The following GRM7 variants were observed in gnomAD, a reference collection of about 807,000 sequenced individuals.
GRM7 encodes the protein metabotropic glutamate receptor 7.
A neutral mutation model predicts 84.5 loss-of-function variants in GRM7; 35 were observed. The observed-to-expected ratio is 0.41, with a 90% CI of 0.32 to 0.55. The LOEUF (loss-of-function observed/expected upper bound fraction) is 0.55, where lower values mean the gene tolerates loss of function less well. GRM7 is among the 20% of genes least tolerant of loss of function. GRM7 has a pLI of 0.19. For synonymous variants in GRM7, 487 were observed against 455.1 expected (o/e 1.07, Z -0.89); for missense variants, 1,003 against 1,194.6 (o/e 0.84, Z 2.36).
At position 7,435,614 on chromosome 3, in the gene GRM7, G is replaced by A. The variant is rs1277240950; in HGVS notation, c.1175-16993G>A. Among the ~76,000 whole-genome samples the A allele has an allele frequency of 1.5e-4, 22 of 150,156 alleles. No individual in the cohort carries two copies. The South Asian group carries it at 4.5e-3, about 30-fold the overall frequency. ...TGCAACCTCAGCCTCCCGGCTCCAA[G>A]AAATTCTCCTGCCTCAGCCTACCGA... On this transcript the variant is annotated intron_variant, in intron 5 of 9. Coordinates refer to ENST00000357716, the MANE Select transcript of GRM7 (RefSeq NM_000844.4).
chr3:7,060,182 A>G (rs1559412684), intron 1 of GRM7, among the ~76,000 whole-genome samples: 1 of 151,934 alleles, frequency 6.6e-6, no homozygotes, highest in South Asian at 2.1e-4. Context: ...CCCTTGAGTT[A>G]ATTTTTCAAG....
chr3:7,472,938 A>G (rs796074566), intron 7 of GRM7, among the ~76,000 whole-genome samples: 5 of 152,288 alleles, frequency 3.3e-5, no homozygotes, highest in African/African-American at 9.6e-5. Flanking sequence ...ATACGTGCAG[A>G]CCGTTTCCTC....
At chr3:7,340,817 T>C (rs1245919772) in intron 4 of GRM7, among the ~76,000 whole-genome samples, 1 of 152,154 alleles carries the variant, frequency 6.6e-6, no homozygotes, top group Non-Finnish European at 1.5e-5. Context: ...GTGAAATCAA[T>C]GTTCTGTCAC....
chr3:7,649,820 A>G (rs959277829), intron 8 of GRM7, among the ~76,000 whole-genome samples: 1 of 87,094 alleles, frequency 1.1e-5, no homozygotes, highest in African/African-American at 5.2e-5. Context: ...TGCTGGCAAA[A>G]GAAAAAAAAA....
chr3:6,872,503 G>A (rs756204660), intron 1 of GRM7, among the ~76,000 whole-genome samples: 1 of 152,080 alleles, frequency 6.6e-6, no homozygotes, highest in Non-Finnish European at 1.5e-5. Context: ...TGGGATACAT[G>A]TACAGACGTG....
chr3:6,997,149 CT>C (rs1345490277), intron 1 of GRM7, among the ~76,000 whole-genome samples: 2 of 151,728 alleles, frequency 1.3e-5, no homozygotes, highest in African/African-American at 4.8e-5. Flanking sequence ...CCTCTTATTT[CT>C]TTTCTTTTTT....
chr3:7,319,395 C>A lies in GRM7; in HGVS notation c.1033+12743C>A, dbSNP rs149709815. ...GTGTTAACATGTTTGTTAGGACAAG[C>A]TGGAGAAAATGAAAGACTTGTGATG... On this transcript the variant is annotated intron_variant, in intron 4 of 9. Coordinates refer to ENST00000357716, the MANE Select transcript of GRM7 (RefSeq NM_000844.4). Among the ~76,000 whole-genome samples, 442 of 152,156 alleles carry A rather than the reference C, an allele frequency of 2.9e-3. 3 individuals carry two copies. Among genetic ancestry groups the A allele is most frequent in the African/African-American group, 0.01 (416 of 41,562 alleles).
chr3:7,710,586 T>G (rs1053254775), intron 9 of GRM7, among the ~76,000 whole-genome samples: 2 of 152,156 alleles, frequency 1.3e-5, no homozygotes, highest in Non-Finnish European at 2.9e-5. Context: ...AAATACAGCC[T>G]GATTGTCTGT....
At chr3:7,159,285 A>T (rs188256759) in intron 2 of GRM7, among the ~76,000 whole-genome samples, 1 of 152,330 alleles carries the variant, frequency 6.6e-6, no homozygotes, top group African/African-American at 2.4e-5. Context: ...ACGAAGATTC[A>T]GGTGAAATAT....
At chr3:7,417,991 T>A (rs1696242695) in intron 5 of GRM7, among the ~76,000 whole-genome samples, 1 of 152,036 alleles carries the variant, frequency 6.6e-6, no homozygotes, top group Non-Finnish European at 1.5e-5. Flanking sequence ...GAATAATAAT[T>A]ATTGAAAAAT....
intron 1 of GRM7, among the ~76,000 whole-genome samples, chr3:6,933,636 CTT>C (rs1240001645): frequency 6.6e-6 from 1 of 151,872 alleles, no homozygotes; most frequent in Non-Finnish European, 1.5e-5. Flanking sequence ...CAAATCAGAA[CTT>C]TTAAGTCCTC....
At chr3:6,944,946 T>A (rs990076751) in intron 1 of GRM7, among the ~76,000 whole-genome samples, 1 of 152,174 alleles carries the variant, frequency 6.6e-6, no homozygotes, top group African/African-American at 2.4e-5. Context: ...AATTTCTTTA[T>A]TATCCTTTTA....
intron 1 of GRM7, among the ~76,000 whole-genome samples, chr3:6,872,212 G>C (rs901670405): frequency 6.6e-6 from 1 of 152,162 alleles, no homozygotes; most frequent in Non-Finnish European, 1.5e-5. Context: ...CTTATGAGGA[G>C]GGACATACTT....
chr3:7,266,933 G>T (rs1290511321), intron 2 of GRM7, among the ~76,000 whole-genome samples: 2 of 152,148 alleles, frequency 1.3e-5, no homozygotes, highest in Admixed American at 1.3e-4. Flanking sequence ...TGACTTCAGG[G>T]TTGGAAGGAG....
chr3:7,571,972 A>G (rs377026113), intron 7 of GRM7, among the ~76,000 whole-genome samples: 6 of 152,264 alleles, frequency 3.9e-5, no homozygotes, highest in African/African-American at 1.2e-4. Context: ...TTTTAAAACC[A>G]TCAGATCTCA....
intron 1 of GRM7, among the ~76,000 whole-genome samples, chr3:7,122,823 C>T (rs1212257770): frequency 6.6e-6 from 1 of 152,130 alleles, no homozygotes; most frequent in African/African-American, 2.4e-5. Context: ...AGAATAGTTC[C>T]CTTTTATGTC....
At chr3:7,087,006 T>C (rs1283132314) in intron 1 of GRM7, among the ~76,000 whole-genome samples, 1 of 152,170 alleles carries the variant, frequency 6.6e-6, no homozygotes, top group African/African-American at 2.4e-5. Flanking sequence ...ACACATTTCC[T>C]GGATAAGGCT....
At chr3:7,389,435 A>G (rs1694906230) in intron 4 of GRM7, among the ~76,000 whole-genome samples, 1 of 152,060 alleles carries the variant, frequency 6.6e-6, no homozygotes, top group African/African-American at 2.4e-5. Context: ...TGCTTTGATT[A>G]TTTGTCTAAT....
chr3:7,623,866 A>G (rs1164951546), intron 8 of GRM7, among the ~76,000 whole-genome samples: 2 of 152,192 alleles, frequency 1.3e-5, no homozygotes, highest in African/African-American at 2.4e-5. Flanking sequence ...CTACAGAGAA[A>G]AGAAGGGGAA....
Sources: gnomAD v4.1 joint callset for allele counts (sites outside exome capture counted in the v4.1 genomes callset) on GRCh38, gnomAD v4.1.1 for gene constraint, MANE v1.5 for transcripts, NCBI Gene and HGNC (gene_info 2026-07-23, HGNC 2026-07-21) for gene names.